BACH2: variants seen among roughly 807,000 people sequenced by gnomAD.
BACH2 encodes the protein transcription regulator protein BACH2.
Under a neutral mutation model 61.8 loss-of-function variants are expected in BACH2, and 5 were observed. The ratio of observed to expected loss-of-function variants is 0.08; its 90% CI spans 0.04 to 0.17. The LOEUF is 0.17. Among genes scored for constraint, BACH2 ranks in the 10% least tolerant of loss-of-function variants. The pLI is 1.00. For synonymous variants in BACH2, 446 were observed against 440.1 expected, an observed-to-expected ratio of 1.01 and a Z score of -0.17; for missense variants, 824 against 1,091.1, an observed-to-expected ratio of 0.76 and a Z score of 3.45.
intron 5 of BACH2, among the ~76,000 whole-genome samples, chr6:90,055,273 C>T (rs546985303): frequency 2.6e-5 from 4 of 152,142 alleles, no homozygotes; most frequent in East Asian, 3.9e-4. Flanking sequence ...CAGAGAAGTC[C>T]GTAAAGGACC....
chr6:90,059,174 A>G (rs1780542501), intron 5 of BACH2, among the ~76,000 whole-genome samples: 1 of 152,266 alleles, frequency 6.6e-6, no homozygotes, highest in African/African-American at 2.4e-5. Flanking sequence ...AACTACCATC[A>G]GAGTGAACAG....
At chr6:90,105,134 T>C (rs1290822401) in intron 4 of BACH2, among the ~76,000 whole-genome samples, 1 of 152,198 alleles carries the variant, frequency 6.6e-6, no homozygotes, top group Non-Finnish European at 1.5e-5. Flanking sequence ...CTGGGAAGGC[T>C]TCAGATTGCA....
chr6:90,111,962 A>C (rs1783191173), intron 4 of BACH2, among the ~76,000 whole-genome samples: 1 of 152,256 alleles, frequency 6.6e-6, no homozygotes, highest in African/African-American at 2.4e-5. Context: ...AGCTCTCTGC[A>C]TACTGCAAAA....
chr6:90,153,904 G>C (rs905566679), intron 4 of BACH2, among the ~76,000 whole-genome samples: 1 of 152,182 alleles, frequency 6.6e-6, no homozygotes, highest in Admixed American at 6.5e-5. Flanking sequence ...TTAAAGTATT[G>C]TAACTGCTTT....
intron 4 of BACH2, among the ~76,000 whole-genome samples, chr6:90,132,206 A>T (rs1370426821): frequency 2.0e-5 from 3 of 152,232 alleles, no homozygotes; most frequent in African/African-American, 7.2e-5. Flanking sequence ...AGTGGCTACG[A>T]CTTCTACTTG....
chr6:89,937,892 T>C (rs1174944316), intron 8 of BACH2, among the ~76,000 whole-genome samples: 4 of 152,330 alleles, frequency 2.6e-5, no homozygotes, highest in African/African-American at 9.6e-5. Context: ...ATATGAATAA[T>C]GACTGAAGGA....
intron 5 of BACH2, among the ~76,000 whole-genome samples, chr6:90,031,005 C>T (rs1479938423): frequency 7.6e-6 from 1 of 132,342 alleles, no homozygotes; most frequent in Non-Finnish European, 1.5e-5. Context: ...GCTTATCCAC[C>T]ATGATCAAGT....
chr6:89,982,143 T>C (rs893406843), intron 6 of BACH2, among the ~76,000 whole-genome samples: 4 of 152,100 alleles, frequency 2.6e-5, no homozygotes. Context: ...GCCAAAAAGA[T>C]ATTTCTTAAG....
Position 89,935,550 on chromosome 6 carries a change from TCA to T in BACH2, c.2043+2592_2043+2593del, listed in dbSNP as rs569143636. On this transcript the variant is annotated intron_variant, in intron 8 of 8. Transcript: ENST00000257749. Reference sequence around the variant, plus strand: ...TTGGTTAAAACCATGAAGCTCTCAGTCACAGACGTACACTGATGAATGTGTTC... The same window carrying T: ...TTGGTTAAAACCATGAAGCTCTCAGTCAGACGTACACTGATGAATGTGTTC... Among the ~76,000 whole-genome samples, 767 of 152,278 alleles carry T rather than the reference TCA, an allele frequency of 5.0e-3. 5 individuals carry two copies. Among genetic ancestry groups the T allele is most frequent in the Middle Eastern group, 0.02 (6 of 294 alleles).
At chr6:89,957,436 C>T (rs1340401000) in intron 6 of BACH2, among the ~76,000 whole-genome samples, 1 of 152,144 alleles carries the variant, frequency 6.6e-6, no homozygotes, top group African/African-American at 2.4e-5. Flanking sequence ...CCCTATGTTG[C>T]CCAGGCTTGT....
intron 4 of BACH2, among the ~76,000 whole-genome samples, chr6:90,106,557 A>G (rs1453161561): frequency 6.6e-6 from 1 of 152,154 alleles, no homozygotes; most frequent in Admixed American, 6.5e-5. Flanking sequence ...CATTAGGTAC[A>G]CTCTATGATG....
At chr6:89,936,746 C>T (rs532157311) in intron 8 of BACH2, among the ~76,000 whole-genome samples, 3 of 152,168 alleles carry the variant, frequency 2.0e-5, no homozygotes, top group Non-Finnish European at 2.9e-5. Flanking sequence ...AAAACCCTGA[C>T]GTCCAGGGCT....
chr6:90,073,491 C>A (rs766382559), intron 5 of BACH2, among the ~76,000 whole-genome samples: 34 of 152,312 alleles, frequency 2.2e-4, no homozygotes, highest in Admixed American at 3.3e-4. Context: ...GGATGCTGTA[C>A]ATATCCATCT....
At chr6:90,258,148 G>C (rs1051981422) in intron 2 of BACH2, among the ~76,000 whole-genome samples, 3 of 152,158 alleles carry the variant, frequency 2.0e-5, no homozygotes, top group Non-Finnish European at 4.4e-5. Context: ...CAACGCCAAT[G>C]TCCAGGAGCT....
intron 1 of BACH2, among the ~76,000 whole-genome samples, chr6:90,288,120 GTAA>G: frequency 6.6e-6 from 1 of 151,960 alleles, no homozygotes; most frequent in East Asian, 1.9e-4. Context: ...TGCTGAATGG[GTAA>G]TAATATCTTT....
chr6:90,097,116 G>C (rs990482), intron 4 of BACH2, among the ~76,000 whole-genome samples: 2 of 151,918 alleles, frequency 1.3e-5, no homozygotes, highest in African/African-American at 4.8e-5. Context: ...TCTCTTCCCA[G>C]GTCCAAGCTC....
chr6:90,236,878 C>T (rs1770275445), intron 3 of BACH2, among the ~76,000 whole-genome samples: 1 of 152,070 alleles, frequency 6.6e-6, no homozygotes. Context: ...GTCCATGATT[C>T]CACTGTGAAA....
At chr6:90,292,404 A>G (rs1209819968) in intron 1 of BACH2, among the ~76,000 whole-genome samples, 1 of 152,226 alleles carries the variant, frequency 6.6e-6, no homozygotes, top group Non-Finnish European at 1.5e-5. Context: ...GTCCTCAGGC[A>G]TTACCCAGCC....
intron 4 of BACH2, among the ~76,000 whole-genome samples, chr6:90,165,911 G>C (rs1767595719): frequency 6.6e-6 from 1 of 152,242 alleles, no homozygotes; most frequent in Non-Finnish European, 1.5e-5. Flanking sequence ...ATTAATTCAA[G>C]ATGGATTAAA....
Sources: allele counts gnomAD v4.1 joint callset (sites outside exome capture counted in the v4.1 genomes callset), GRCh38; gene constraint gnomAD v4.1.1; transcripts MANE v1.5; gene names NCBI Gene and HGNC (gene_info 2026-07-23, HGNC 2026-07-21).